The following IGSF11 variants were observed in gnomAD, a reference collection of about 807,000 sequenced individuals.
IGSF11 encodes immunoglobulin superfamily member 11.
Under a neutral mutation model 41.0 loss-of-function variants are expected in IGSF11, and 22 were observed. That is an observed-to-expected ratio of 0.54 (90% CI 0.38 to 0.77). IGSF11 has a LOEUF of 0.77. Among genes scored for constraint, IGSF11 ranks in the 30% least tolerant of loss-of-function variants. The pLI, the probability that IGSF11 is intolerant of heterozygous loss-of-function variation, is 0.00. For synonymous variants in IGSF11, 219 were observed against 201.3 expected (o/e 1.09, Z -0.74); for missense variants, 444 against 530.8 (o/e 0.84, Z 1.61).
At chr3:118,971,945 C>T (rs1267430103) in intron 1 of IGSF11, among the ~76,000 whole-genome samples, 1 of 152,068 alleles carries the variant, frequency 6.6e-6, no homozygotes, top group African/African-American at 2.4e-5. Flanking sequence ...TAACATATTC[C>T]CAACATCATA....
intron 1 of IGSF11, among the ~76,000 whole-genome samples, chr3:119,119,232 T>A (rs2077299824): frequency 6.6e-6 from 1 of 152,086 alleles, no homozygotes; most frequent in African/African-American, 2.4e-5. Flanking sequence ...ACTGGGTAAT[T>A]TACACAGGAA....
At chr3:118,938,763 TAGTTTGGGAAAGCAAAG>T (rs1041209542) in intron 1 of IGSF11, among the ~76,000 whole-genome samples, 29 of 151,996 alleles carry the variant, frequency 1.9e-4, no homozygotes, top group Non-Finnish European at 4.1e-4. Flanking sequence ...TAAGATAATA[TAGTTTGGGAAAGCAAAG>T]AGTTTGGGAA....
intron 1 of IGSF11, among the ~76,000 whole-genome samples, chr3:119,010,471 T>C (rs897917379): frequency 1.3e-5 from 2 of 152,192 alleles, no homozygotes; most frequent in Non-Finnish European, 2.9e-5. Flanking sequence ...GATTAGCATT[T>C]TAATTGGTAA....
intron 1 of IGSF11, among the ~76,000 whole-genome samples, chr3:119,090,379 C>T (rs2076744221): frequency 6.6e-6 from 1 of 152,120 alleles, no homozygotes; most frequent in Non-Finnish European, 1.5e-5. Context: ...ATTAGAAAAA[C>T]TATTCTAAAA....
intron 1 of IGSF11, among the ~76,000 whole-genome samples, chr3:119,116,780 C>T (rs2077261286): frequency 6.6e-6 from 1 of 152,114 alleles, no homozygotes; most frequent in Non-Finnish European, 1.5e-5. Context: ...GGTAGATTGG[C>T]CTTTTGAGAT....
chr3:118,917,011 G>C (rs997659241), intron 4 of IGSF11, among the ~76,000 whole-genome samples: 1 of 152,012 alleles, frequency 6.6e-6, no homozygotes, highest in South Asian at 2.1e-4. Context: ...ATGACTACTG[G>C]GTACATAAGG....
At chr3:119,015,902 A>C (rs1408469824) in intron 1 of IGSF11, among the ~76,000 whole-genome samples, 1 of 152,176 alleles carries the variant, frequency 6.6e-6, no homozygotes, top group Non-Finnish European at 1.5e-5. Context: ...TTTCCATGAG[A>C]GAAAAACGAT....
chr3:119,055,233 A>C (rs1363859129), intron 1 of IGSF11, among the ~76,000 whole-genome samples: 2 of 152,228 alleles, frequency 1.3e-5, no homozygotes, highest in African/African-American at 4.8e-5. Flanking sequence ...GGGAAAAAAC[A>C]GAACAGAAAA....
At chr3:119,021,653 C>T (rs1394531828) in intron 1 of IGSF11, among the ~76,000 whole-genome samples, 1 of 152,048 alleles carries the variant, frequency 6.6e-6, no homozygotes, top group African/African-American at 2.4e-5. Flanking sequence ...TGTCCTTACC[C>T]CCGACTCTCA....
chr3:118,933,714 A>T lies in IGSF11; in HGVS notation c.53-3439T>A, dbSNP rs145924842. 1.5e-4 allele frequency among the ~76,000 whole-genome samples: 23 copies of T among 152,256 alleles called. No individual in the cohort carries two copies. The East Asian group carries it at 3.1e-3, about 20-fold the overall frequency. ...ACACATAACTCAACACACAGAAATC[A>T]TTCCATATGTGTTTGCTGTTATTAT... On this transcript the variant is annotated intron_variant, in intron 1 of 6. Coordinates refer to ENST00000393775, the MANE Select transcript of IGSF11 (RefSeq NM_001015887.3).
At position 118,956,273 on chromosome 3, in the gene IGSF11, CTCTTA is replaced by C. The variant is rs1348148510; in HGVS notation, c.53-26003_53-25999del. The stretch of plus-strand genomic sequence containing the variant: ...ATATCAGCCATAAGGCTGTTTCACT[CTCTTA>C]TAAGTTGTGTGTTCACTGGAGTATC... On this transcript the variant is annotated intron_variant, in intron 1 of 6. Coordinates refer to ENST00000393775, the MANE Select transcript of IGSF11 (RefSeq NM_001015887.3). Among the ~76,000 whole-genome samples the C allele has an allele frequency of 5.3e-5, 8 of 152,322 alleles. No individual in the cohort carries two copies. The South Asian group carries it at 8.3e-4, about 16-fold the overall frequency.
intron 1 of IGSF11, among the ~76,000 whole-genome samples, chr3:118,956,041 T>C (rs537429603): frequency 6.6e-6 from 1 of 152,330 alleles, no homozygotes; most frequent in South Asian, 2.1e-4. Context: ...TGCTGCTTTA[T>C]CTTGTACTTT....
At chr3:119,050,186 A>G (rs1941557669) in intron 1 of IGSF11, among the ~76,000 whole-genome samples, 1 of 151,872 alleles carries the variant, frequency 6.6e-6, no homozygotes, top group Non-Finnish European at 1.5e-5. Flanking sequence ...GCACAGCAAA[A>G]GAAGCTACCA....
chr3:119,134,729 A>T (rs909629520), intron 1 of IGSF11, among the ~76,000 whole-genome samples: 3 of 152,224 alleles, frequency 2.0e-5, no homozygotes, highest in Non-Finnish European at 2.9e-5. Context: ...TATGGAACCA[A>T]AAAAGAGTCC....
At chr3:119,039,416 C>T (rs886560547), upstream of IGSF11, among the ~76,000 whole-genome samples, 1 of 152,162 alleles carries the variant, frequency 6.6e-6, no homozygotes, top group African/African-American at 2.4e-5. Context: ...CACCTCCTTC[C>T]ACATTTAAGG....
At chr3:118,950,261 G>A (rs1002855118) in intron 1 of IGSF11, among the ~76,000 whole-genome samples, 1 of 152,104 alleles carries the variant, frequency 6.6e-6, no homozygotes, top group African/African-American at 2.4e-5. Flanking sequence ...ATAGCCCTAA[G>A]GGATCTGATC....
At chr3:119,028,351 T>C (rs1940024928) in intron 1 of IGSF11, among the ~76,000 whole-genome samples, 1 of 152,162 alleles carries the variant, frequency 6.6e-6, no homozygotes, top group Admixed American at 6.5e-5. Flanking sequence ...AATGCTCCTA[T>C]TTCTAGAAAA....
chr3:119,004,863 G>A (rs1221093803), intron 1 of IGSF11, among the ~76,000 whole-genome samples: 1 of 152,182 alleles, frequency 6.6e-6, no homozygotes, highest in South Asian at 2.1e-4. Context: ...CACATTTGCT[G>A]AGGAGAGTTT....
chr3:119,090,013 AC>A (rs1242372734), intron 1 of IGSF11, among the ~76,000 whole-genome samples: 11 of 152,234 alleles, frequency 7.2e-5, no homozygotes, highest in Admixed American at 3.3e-4. Flanking sequence ...CAACAGAGCC[AC>A]AATCAGTCTT....
Sources: allele counts gnomAD v4.1 joint callset (sites outside exome capture counted in the v4.1 genomes callset), GRCh38; gene constraint gnomAD v4.1.1; transcripts MANE v1.5; gene names NCBI Gene and HGNC (gene_info 2026-07-23, HGNC 2026-07-21).